ZNG1E: variants seen among roughly 807,000 people sequenced by gnomAD.
ZNG1E encodes the protein zinc-regulated GTPase metalloprotein activator 1E.
chr9:65,714,830 G>A, the ZNG1E span, among the ~76,000 whole-genome samples: 13 of 152,034 alleles, frequency 8.6e-5, no homozygotes, highest in South Asian at 4.1e-4. Flanking sequence ...TTAAGTCTGC[G>A]GAGGTTACTG....
the ZNG1E span, among the ~76,000 whole-genome samples, chr9:65,680,863 A>G: frequency 2.0e-5 from 3 of 152,048 alleles, no homozygotes; most frequent in Admixed American, 6.6e-5. Context: ...GTCTCGGGTC[A>G]CTGCAACCTC....
chr9:65,717,885 C>G, the ZNG1E span, among the ~76,000 whole-genome samples: 2 of 145,974 alleles, frequency 1.4e-5, no homozygotes, highest in South Asian at 4.4e-4. Flanking sequence ...TGAGGTTTTG[C>G]CATGTTGCTG....
chr9:65,670,791 GATT>G, the ZNG1E span, among the ~76,000 whole-genome samples: 5 of 83,462 alleles, frequency 6.0e-5, no homozygotes, highest in Non-Finnish European at 1.1e-4. Context: ...AATTAAAGAA[GATT>G]ATTATTTCGT....
the ZNG1E span, among the ~76,000 whole-genome samples, chr9:65,665,292 T>G: frequency 1.3e-5 from 2 of 152,264 alleles, no homozygotes; most frequent in African/African-American, 4.8e-5. Flanking sequence ...AGGGTCCCTC[T>G]GCTGTATGCA....
chr9:65,663,298 T>C, the ZNG1E span, among the ~76,000 whole-genome samples: 13 of 152,032 alleles, frequency 8.6e-5, no homozygotes, highest in African/African-American at 3.1e-4. Flanking sequence ...TTAAGGAAAT[T>C]GTACCTGTTT....
chr9:65,668,349 T>C, the ZNG1E span, among the ~76,000 whole-genome samples: 2 of 130,932 alleles, frequency 1.5e-5, no homozygotes, highest in African/African-American at 6.0e-5. Context: ...TTGCTCACAG[T>C]GTTTATGTAA....
At chr9:65,695,989 C>G in the ZNG1E span, among the ~76,000 whole-genome samples, 3 of 149,658 alleles carry the variant, frequency 2.0e-5, no homozygotes, top group East Asian at 5.9e-4. Flanking sequence ...GAATAGAATG[C>G]CAAACTTTCC....
the ZNG1E span, among the ~76,000 whole-genome samples, chr9:65,658,250 A>C: frequency 6.6e-6 from 1 of 152,158 alleles, no homozygotes; most frequent in East Asian, 1.9e-4. Context: ...CCCACGAACC[A>C]GTCTTATGCT....
the ZNG1E span, among the ~76,000 whole-genome samples, chr9:65,717,669 AT>A: frequency 6.7e-6 from 1 of 149,400 alleles, no homozygotes; most frequent in East Asian, 1.9e-4. Context: ...ACAATGCTGC[AT>A]GAAATTTGCC....
the ZNG1E span, among the ~76,000 whole-genome samples, chr9:65,715,006 G>A: frequency 2.0e-5 from 3 of 148,870 alleles, no homozygotes; most frequent in Non-Finnish European, 3.0e-5. Context: ...CCTCGCTGCC[G>A]CCTTGCAGTT....
the ZNG1E span, among the ~76,000 whole-genome samples, chr9:65,661,734 CAAT>C: frequency 1.3e-5 from 2 of 152,188 alleles, no homozygotes; most frequent in South Asian, 4.1e-4. Context: ...GAAGGCAGAC[CAAT>C]GGTTACCTGG....
chr9:65,709,459 G>A, the ZNG1E span, among the ~76,000 whole-genome samples: 244 of 131,560 alleles, frequency 1.9e-3, no homozygotes, highest in South Asian at 4.8e-3. Flanking sequence ...CCACTAACTC[G>A]TCATCTAGCA....
chr9:65,671,700 T>A, the ZNG1E span, among the ~76,000 whole-genome samples: 120 of 151,926 alleles, frequency 7.9e-4, no homozygotes, highest in African/African-American at 2.7e-3. Flanking sequence ...ACTTCCTTAT[T>A]ATACTGGAAT....
At chr9:65,675,284 G>A in the ZNG1E span, among the ~76,000 whole-genome samples, 1 of 152,226 alleles carries the variant, frequency 6.6e-6, no homozygotes, top group Non-Finnish European at 1.5e-5. Context: ...CTATGGATTA[G>A]TGATGAGAGT....
At chr9:65,661,892 G>C in the ZNG1E span, among the ~76,000 whole-genome samples, 1,399 of 149,272 alleles carry the variant, frequency 9.4e-3, no homozygotes, top group Non-Finnish European at 0.013. Flanking sequence ...TAAATGAGTG[G>C]CTAAGTTGTG....
At chr9:65,714,802 G>T in the ZNG1E span, among the ~76,000 whole-genome samples, 8 of 152,008 alleles carry the variant, frequency 5.3e-5, no homozygotes, top group African/African-American at 1.9e-4. Flanking sequence ...TCTCTTCAAA[G>T]CTGTCAGACA....
At chr9:65,708,601 TA>T in the ZNG1E span, 2 of 443,258 alleles carry the variant, frequency 4.5e-6, no homozygotes, top group Non-Finnish European at 8.0e-6. Context: ...TTTTGAGTAA[TA>T]AGCTGCTTGG....
the ZNG1E span, among the ~76,000 whole-genome samples, chr9:65,709,975 G>A: frequency 0.01 from 1,547 of 150,474 alleles, 4 homozygotes; most frequent in East Asian, 0.046. Flanking sequence ...CGCCAACAGT[G>A]TAAAAGTGTT....
chr9:65,714,622 G>C, the ZNG1E span, among the ~76,000 whole-genome samples: 4 of 152,108 alleles, frequency 2.6e-5, no homozygotes, highest in African/African-American at 9.7e-5. Flanking sequence ...TTCAGCTGCA[G>C]GTCTGTTGGA....
Sources: allele counts gnomAD v4.1 joint callset (sites outside exome capture counted in the v4.1 genomes callset), GRCh38; gene constraint gnomAD v4.1.1; transcripts MANE v1.5; gene names NCBI Gene and HGNC (gene_info 2026-07-23, HGNC 2026-07-21).